The following NWD2 variants were observed in gnomAD, a reference collection of about 807,000 sequenced individuals.
NWD2 encodes NACHT and WD repeat domain-containing protein 2.
A neutral mutation model predicts 132.7 loss-of-function variants in NWD2; 37 were observed. That is an observed-to-expected ratio of 0.28 (90% CI 0.21 to 0.37). The LOEUF (loss-of-function observed/expected upper bound fraction) is 0.37, where lower values mean the gene tolerates loss of function less well. NWD2 is among the 10% of genes least tolerant of loss of function. The pLI, the probability that NWD2 is intolerant of heterozygous loss-of-function variation, is 1.00. For synonymous variants in NWD2, 705 were observed against 803.0 expected, an observed-to-expected ratio of 0.88 and a Z score of 2.06; for missense variants, 1,592 against 2,122.4, an observed-to-expected ratio of 0.75 and a Z score of 4.91.
intron 2 of NWD2, among the ~76,000 whole-genome samples, chr4:37,339,410 T>C (rs1719474151): frequency 6.6e-6 from 1 of 152,226 alleles, no homozygotes; most frequent in Admixed American, 6.5e-5. Context: ...ATAGGCAATC[T>C]TCTACCTATT....
intron 1 of NWD2, among the ~76,000 whole-genome samples, chr4:37,295,692 A>G (rs1473616566): frequency 1.3e-5 from 2 of 152,090 alleles, no homozygotes; most frequent in African/African-American, 2.4e-5. Context: ...GGCCTTCATC[A>G]ATTCCTGGGT....
chr4:37,320,934 G>A (rs1719055451), intron 1 of NWD2, among the ~76,000 whole-genome samples: 1 of 152,120 alleles, frequency 6.6e-6, no homozygotes, highest in South Asian at 2.1e-4. Context: ...AAGGTGGGCA[G>A]ATCACATGAG....
chr4:37,445,233 C>T lies in NWD2; in HGVS notation c.3245C>T (p.Thr1082Ile), dbSNP rs747614036. Residue 1082 changes from threonine (T) to isoleucine (I), a missense_variant, in exon 7 of 7, where the codon ACT becomes ATT. Thr to Ile is a moderately conservative substitution (Grantham distance 89, BLOSUM62 -1). Coordinates refer to ENST00000309447, the MANE Select transcript of NWD2 (RefSeq NM_001144990.2). The surrounding 1 kb of genome is among the most constrained non-coding windows in gnomAD (Gnocchi z 4.7). Reference protein sequence around the residue: ...LAWLEASKDVTVIDLLYGWPL... With the variant: ...LAWLEASKDVIVIDLLYGWPL... The stretch of plus-strand genomic sequence containing the variant: ...TGGCTCGAAGCCAGCAAAGATGTCA[C>T]TGTCATCGATCTGCTGTACGGATGG... The T allele has an allele frequency of 3.2e-6, 5 of 1,551,916 alleles. No individual in the cohort carries two copies. The South Asian group carries it at 5.9e-5, about 18-fold the overall frequency.
chr4:37,406,066 A>G (rs1238734308), intron 3 of NWD2, among the ~76,000 whole-genome samples: 6 of 152,250 alleles, frequency 3.9e-5, no homozygotes, highest in Admixed American at 6.5e-5. Flanking sequence ...TTTAAAATTT[A>G]TAAACAAGAA....
chr4:37,329,891 G>C (rs765955108), intron 2 of NWD2, among the ~76,000 whole-genome samples: 9 of 152,004 alleles, frequency 5.9e-5, no homozygotes, highest in Non-Finnish European at 1.2e-4. Flanking sequence ...ACGTCATCTG[G>C]TTAAGTAAAC....
chr4:37,388,160 T>C (rs1720603291), intron 3 of NWD2, among the ~76,000 whole-genome samples: 1 of 152,114 alleles, frequency 6.6e-6, no homozygotes, highest in Non-Finnish European at 1.5e-5. Flanking sequence ...TGTAAAGTGC[T>C]TGCTACATAG....
intron 3 of NWD2, among the ~76,000 whole-genome samples, chr4:37,389,904 G>A (rs1560410545): frequency 6.6e-6 from 1 of 151,742 alleles, no homozygotes; most frequent in South Asian, 2.1e-4. Flanking sequence ...CTTCAGCCTC[G>A]CGAGTAGCTG....
chr4:37,306,313 C>G (rs970817153), intron 1 of NWD2, among the ~76,000 whole-genome samples: 2 of 151,876 alleles, frequency 1.3e-5, no homozygotes, highest in African/African-American at 4.8e-5. Context: ...TACTTTAAGT[C>G]TTTGTTTCAT....
In NWD2 at chr4:37,383,497, G is replaced by A. The variant is rs1291809411; in HGVS notation, c.357+27015G>A. Reference sequence around the variant, plus strand: ...CTAAACCTGAACTGCTCTATTATTGGCCTGTCTGTTCACATAGAATATGTC... The same window carrying A: ...CTAAACCTGAACTGCTCTATTATTGACCTGTCTGTTCACATAGAATATGTC... On this transcript the variant is annotated intron_variant, in intron 3 of 6. Transcript: ENST00000309447. Among the ~76,000 whole-genome samples the A allele has an allele frequency of 2.6e-5, 4 of 152,122 alleles. No individual in the cohort carries two copies. The South Asian group carries it at 8.3e-4, about 32-fold the overall frequency.
At chr4:37,272,642 T>C (rs1717895232) in intron 1 of NWD2, among the ~76,000 whole-genome samples, 2 of 151,840 alleles carry the variant, frequency 1.3e-5, no homozygotes, top group Non-Finnish European at 2.9e-5. Flanking sequence ...ATACAGGTAC[T>C]GATTTTTCTC....
intron 3 of NWD2, among the ~76,000 whole-genome samples, chr4:37,413,008 C>T (rs1721193709): frequency 6.6e-6 from 1 of 152,064 alleles, no homozygotes; most frequent in African/African-American, 2.4e-5. Context: ...GACCTAGGAC[C>T]ATAAAAATTC....
At chr4:37,279,936 G>A (rs1718094792) in intron 1 of NWD2, among the ~76,000 whole-genome samples, 1 of 152,140 alleles carries the variant, frequency 6.6e-6, no homozygotes, top group Admixed American at 6.6e-5. Context: ...CAAGAGTGAG[G>A]GGAAAGCCTT....
intron 3 of NWD2, among the ~76,000 whole-genome samples, chr4:37,386,818 A>G (rs1720573702): frequency 6.7e-6 from 1 of 149,528 alleles, no homozygotes; most frequent in Non-Finnish European, 1.5e-5. Context: ...TAATGGATTC[A>G]CGCAAGATCT....
intron 1 of NWD2, among the ~76,000 whole-genome samples, chr4:37,272,006 T>A (rs551319807): frequency 6.6e-6 from 1 of 151,874 alleles, no homozygotes; most frequent in East Asian, 1.9e-4. Context: ...GGACTTTTAT[T>A]ATGAATCGGT....
At chr4:37,423,611 T>A (rs1333149900) in intron 3 of NWD2, among the ~76,000 whole-genome samples, 1 of 152,210 alleles carries the variant, frequency 6.6e-6, no homozygotes, top group African/African-American at 2.4e-5. Context: ...TTACTCTGTC[T>A]TTTTGTTCTC....
At chr4:37,353,955 C>T (rs1220595099) in intron 2 of NWD2, among the ~76,000 whole-genome samples, 1 of 152,036 alleles carries the variant, frequency 6.6e-6, no homozygotes, top group South Asian at 2.1e-4. Flanking sequence ...AGCCTTTTTG[C>T]GCTGGTTTTT....
At chr4:37,308,714 A>G (rs1468932213) in intron 1 of NWD2, among the ~76,000 whole-genome samples, 1 of 152,056 alleles carries the variant, frequency 6.6e-6, no homozygotes, top group Non-Finnish European at 1.5e-5. Flanking sequence ...AGTGGCAGCA[A>G]TTCTCAGGTG....
chr4:37,295,092 A>C (rs980122241), intron 1 of NWD2, among the ~76,000 whole-genome samples: 3 of 152,178 alleles, frequency 2.0e-5, no homozygotes, highest in Non-Finnish European at 4.4e-5. Flanking sequence ...CAGAACAGCT[A>C]CTTGTGGAGA....
chr4:37,274,416 C>A (rs1346748674), intron 1 of NWD2, among the ~76,000 whole-genome samples: 2 of 151,954 alleles, frequency 1.3e-5, no homozygotes, highest in East Asian at 1.9e-4. Context: ...CAATAACAGG[C>A]TCTGAAATTG....
Sources: gnomAD v4.1 joint callset for allele counts (sites outside exome capture counted in the v4.1 genomes callset) on GRCh38, gnomAD v4.1.1 for gene constraint, Gnocchi (gnomAD v3.1) non-coding constraint, MANE v1.5 for transcripts, NCBI Gene and HGNC (gene_info 2026-07-23, HGNC 2026-07-21) for gene names.